CDK14: variants seen among roughly 807,000 people sequenced by gnomAD.
The protein encoded by CDK14 is cyclin-dependent kinase 14.
A neutral mutation model predicts 60.7 loss-of-function variants in CDK14; 34 were observed. The ratio of observed to expected loss-of-function variants is 0.56; its 90% CI spans 0.43 to 0.75. The LOEUF is 0.75. Ranked by LOEUF, CDK14 falls within the 30% of genes least tolerant of loss-of-function variation. The pLI, the probability that CDK14 is intolerant of heterozygous loss-of-function variation, is 0.00. For missense variants in CDK14, 482 were observed against 564.1 expected (o/e 0.85, Z 1.47); for synonymous variants, 197 against 203.7 (o/e 0.97, Z 0.28).
intron 5 of CDK14, among the ~76,000 whole-genome samples, chr7:90,796,525 C>CTGTT (rs1439614413): frequency 5.9e-5 from 9 of 151,904 alleles, no homozygotes; most frequent in Non-Finnish European, 5.9e-5. Flanking sequence ...GTTTAAAAGG[C>CTGTT]TGTTATCCGA....
At chr7:90,640,642 C>T (rs1800303417) in intron 2 of CDK14, among the ~76,000 whole-genome samples, 1 of 151,870 alleles carries the variant, frequency 6.6e-6, no homozygotes, top group African/African-American at 2.4e-5. Flanking sequence ...TCTCTGGATA[C>T]ATTTAAAAGA....
chr7:90,733,597 T>G (rs1802960549), intron 3 of CDK14, among the ~76,000 whole-genome samples: 1 of 152,218 alleles, frequency 6.6e-6, no homozygotes, highest in South Asian at 2.1e-4. Context: ...TCTTTTTAAC[T>G]TTGTTGGTTT....
intron 2 of CDK14, among the ~76,000 whole-genome samples, chr7:90,631,195 T>G (rs1056799175): frequency 6.6e-6 from 1 of 152,170 alleles, no homozygotes; most frequent in African/African-American, 2.4e-5. Context: ...ATCTACATTA[T>G]CACTGATAAG....
At chr7:90,863,918 G>A (rs925210855) in intron 6 of CDK14, among the ~76,000 whole-genome samples, 2 of 151,992 alleles carry the variant, frequency 1.3e-5, no homozygotes, top group Non-Finnish European at 2.9e-5. Context: ...CACTACTTCA[G>A]CATTTAACTG....
At chr7:90,920,529 C>A (rs553859439) in intron 8 of CDK14, among the ~76,000 whole-genome samples, 126 of 152,312 alleles carry the variant, frequency 8.3e-4, no homozygotes, top group Admixed American at 2.2e-3. Flanking sequence ...GGGTTAGAAT[C>A]TTGCCCAGGC....
intron 2 of CDK14, among the ~76,000 whole-genome samples, chr7:90,675,021 CTTA>C (rs1801171198): frequency 6.6e-6 from 1 of 152,028 alleles, no homozygotes; most frequent in Non-Finnish European, 1.5e-5. Flanking sequence ...TAGTTTTTTT[CTTA>C]TTATGTGGTA....
chr7:90,970,972 C>T (rs1794905653), intron 9 of CDK14, among the ~76,000 whole-genome samples: 1 of 152,012 alleles, frequency 6.6e-6, no homozygotes, highest in Admixed American at 6.6e-5. Flanking sequence ...GGTACATGTG[C>T]ACAACGTGCA....
chr7:90,851,772 C>CTG lies in CDK14; in HGVS notation c.545-11401_545-11400dup, dbSNP rs545202960. On this transcript the variant is annotated intron_variant, in intron 5 of 14. Transcript: ENST00000380050. ...TCCCCTTTGTCATTTTCTTGAATAC[C>CTG]TGTTTTTTTTTTAATTATTATGACA... is the stretch of plus-strand genomic sequence containing the variant. Among the ~76,000 whole-genome samples, 32 of 123,402 alleles carry CTG rather than the reference C, an allele frequency of 2.6e-4. 1 individual carries two copies. In the East Asian group the frequency reaches 4.5e-3, roughly 17 times the overall value. 81.0% of individuals were successfully genotyped at this position (123,402 alleles called of 152,430 possible). A position where few individuals can be genotyped will look rare whatever the true frequency, so the allele number is the denominator to read the frequency against.
At chr7:91,189,750 G>A (rs184300800) in intron 14 of CDK14, among the ~76,000 whole-genome samples, 61 of 152,244 alleles carry the variant, frequency 4.0e-4, no homozygotes, top group Non-Finnish European at 7.1e-4. Context: ...ATGGCTTGTG[G>A]TATTTTTCTC....
intron 14 of CDK14, among the ~76,000 whole-genome samples, chr7:91,161,355 T>C (rs541390381): frequency 3.9e-4 from 59 of 152,274 alleles, no homozygotes; most frequent in African/African-American, 1.4e-3. Flanking sequence ...AAAAACTGAA[T>C]TTACTTCTTT....
chr7:91,041,052 G>A (rs1475242434), intron 10 of CDK14, among the ~76,000 whole-genome samples: 1 of 152,182 alleles, frequency 6.6e-6, no homozygotes, highest in Non-Finnish European at 1.5e-5. Context: ...GACATAACGG[G>A]CAGAACCTGG....
intron 10 of CDK14, among the ~76,000 whole-genome samples, chr7:90,984,645 A>G (rs546066279): frequency 6.6e-6 from 1 of 152,318 alleles, no homozygotes; most frequent in Non-Finnish European, 1.5e-5. Context: ...GAGTGGGAAG[A>G]TGGTGACTTT....
At chr7:91,097,462 A>G (rs1274371503) in intron 12 of CDK14, among the ~76,000 whole-genome samples, 1 of 152,166 alleles carries the variant, frequency 6.6e-6, no homozygotes, top group African/African-American at 2.4e-5. Flanking sequence ...TTGGACCTCT[A>G]TACATGGAGT....
chr7:90,854,869 C>T (rs1204011751), intron 5 of CDK14, among the ~76,000 whole-genome samples: 1 of 152,184 alleles, frequency 6.6e-6, no homozygotes, highest in East Asian at 1.9e-4. Context: ...CTCCTGAAGA[C>T]AGTACCTGGA....
intron 8 of CDK14, among the ~76,000 whole-genome samples, chr7:90,922,241 A>G (rs374694207): frequency 1.3e-5 from 2 of 152,202 alleles, no homozygotes; most frequent in South Asian, 2.1e-4. Flanking sequence ...CTTTTAGAAT[A>G]TATTTTTAAT....
chr7:91,204,068 T>C (rs6975786), intron 14 of CDK14, among the ~76,000 whole-genome samples: 15,311 of 151,918 alleles, frequency 0.1, 1,292 homozygotes, highest in African/African-American at 0.23. Context: ...GGATGAGGAG[T>C]GGTCAAGTGA....
At chr7:90,758,038 G>GA (rs1294533459) in intron 4 of CDK14, among the ~76,000 whole-genome samples, 1 of 152,234 alleles carries the variant, frequency 6.6e-6, no homozygotes, top group Non-Finnish European at 1.5e-5. Context: ...ACACTGGAGA[G>GA]AAGTTAACTG....
chr7:91,067,684 A>G (rs1282666899), intron 11 of CDK14, among the ~76,000 whole-genome samples: 1 of 152,216 alleles, frequency 6.6e-6, no homozygotes, highest in African/African-American at 2.4e-5. Context: ...ATGTGAATAA[A>G]ACCTCATAAC....
chr7:90,765,254 AT>A (rs201867747), intron 4 of CDK14, among the ~76,000 whole-genome samples: 11 of 150,648 alleles, frequency 7.3e-5, no homozygotes, highest in African/African-American at 4.9e-5. Flanking sequence ...AAAAAAAGTT[AT>A]TTTTTTTTTA....
Sources: gnomAD v4.1 joint callset for allele counts (sites outside exome capture counted in the v4.1 genomes callset) on GRCh38, gnomAD v4.1.1 for gene constraint, MANE v1.5 for transcripts, NCBI Gene and HGNC (gene_info 2026-07-23, HGNC 2026-07-21) for gene names.